Variants in TMED2 observed in about 807,000 individuals in gnomAD.
TMED2 encodes the protein transmembrane p24 trafficking protein 2.
In TMED2, 3 loss-of-function variants were observed where a neutral mutation model predicts 17.5. The observed-to-expected ratio is 0.17, with a 90% CI of 0.08 to 0.44. The LOEUF is 0.44. Ranked by LOEUF, TMED2 falls within the 20% of genes least tolerant of loss-of-function variation. TMED2 has a pLI of 0.99. For missense variants in TMED2, 149 were observed against 254.8 expected, an observed-to-expected ratio of 0.58 and a Z score of 2.83; for synonymous variants, 95 against 91.0, an observed-to-expected ratio of 1.04 and a Z score of -0.25.
At chr12:123,589,122 T>C (rs183342550) in intron 2 of TMED2, among the ~76,000 whole-genome samples, 4 of 152,330 alleles carry the variant, frequency 2.6e-5, no homozygotes, top group Non-Finnish European at 5.9e-5. Flanking sequence ...AAGCACATGC[T>C]TACTCTTCAG....
chr12:123,589,838 A>G (rs1426723665), intron 2 of TMED2, among the ~76,000 whole-genome samples: 1 of 152,020 alleles, frequency 6.6e-6, no homozygotes, highest in Non-Finnish European at 1.5e-5. Flanking sequence ...TCTCTAAAAA[A>G]TAAAAATAAA....
At chr12:123,588,022 T>C (rs914919007) in intron 2 of TMED2, among the ~76,000 whole-genome samples, 1 of 152,186 alleles carries the variant, frequency 6.6e-6, no homozygotes, top group Non-Finnish European at 1.5e-5. Flanking sequence ...CTTAGTTGGA[T>C]ATGAAATGCA....
rs1953351770 is a variant in TMED2, at chr12:123,586,894, A to G, written c.328A>G (p.Ile110Val). The G allele has an allele frequency of 3.7e-6, 6 of 1,613,268 alleles. No individual in the cohort carries two copies. In the East Asian group the frequency reaches 1.3e-4, roughly 36 times the overall value. ...TMTPKIVMFT[I>V]DIGEAPKGQD... ...GACTCCAAAAATAGTGATGTTCACCATTGATATTGGGGAGGCTCCAAAAGG... is the reference window on the plus strand; with the variant it reads ...GACTCCAAAAATAGTGATGTTCACCGTTGATATTGGGGAGGCTCCAAAAGG... Residue 110 changes from isoleucine to valine, a missense_variant, in exon 2 of 4, where the codon ATT (isoleucine) becomes GTT (valine). Transcript: ENST00000262225.
intron 3 of TMED2, among the ~76,000 whole-genome samples, chr12:123,593,298 G>C (rs958286080): frequency 6.6e-6 from 1 of 151,782 alleles, no homozygotes; most frequent in Non-Finnish European, 1.5e-5. Context: ...TGTTGCCCAG[G>C]CTGGAGTGCA....
Position 123,596,818 on chromosome 12 carries a change from T to C in TMED2, c.*89T>C. ...ATGTCATTAGTTTCTCCATTTTTATTTTCTGAACTGTACATTCACAACTTA... is the reference window on the plus strand; with the variant it reads ...ATGTCATTAGTTTCTCCATTTTTATCTTCTGAACTGTACATTCACAACTTA... On this transcript the variant is annotated 3_prime_UTR_variant, in exon 4 of 4. Transcript: ENST00000262225. 1 of 1,419,072 alleles carries C rather than the reference T, an allele frequency of 7.0e-7. No individual in the cohort carries two copies. The highest frequency in any genetic ancestry group is 9.3e-7 in the Non-Finnish European group (1 of 1,073,522). 87.9% of individuals were successfully genotyped at this position (1,419,072 alleles called of 1,614,324 possible).
intron 3 of TMED2, among the ~76,000 whole-genome samples, chr12:123,594,903 AAAT>A (rs1210428137): frequency 6.7e-6 from 1 of 148,774 alleles, no homozygotes; most frequent in Non-Finnish European, 1.5e-5. Flanking sequence ...ATAAAAAATA[AAAT>A]AATAATAATA....
chr12:123,585,848 A>G (rs974400634), intron 1 of TMED2: 2 of 152,248 alleles, frequency 1.3e-5, no homozygotes, highest in Admixed American at 1.3e-4. Context: ...CTAAGCCTTC[A>G]GGCATCTCAG....
intron 3 of TMED2, among the ~76,000 whole-genome samples, chr12:123,594,002 C>T (rs906744012): frequency 6.9e-6 from 1 of 145,866 alleles, no homozygotes; most frequent in Admixed American, 6.9e-5. Context: ...GACTGGGTTT[C>T]TCCATATTGC....
At position 123,584,619 on chromosome 12, in the gene TMED2, T is replaced by A; in HGVS notation, c.-18T>A. 1 of 1,574,626 alleles carries A rather than the reference T, an allele frequency of 6.4e-7. No homozygotes were observed. The highest frequency in any genetic ancestry group is 1.1e-5 in the South Asian group (1 of 90,350). ...TGGAGGCCGCAGTCCGGGTCCTGGC[T>A]TCGGCCTCAGCCCCACCATGGTGAC... On this transcript the variant is annotated 5_prime_UTR_variant, in exon 1 of 4. Coordinates refer to ENST00000262225, the MANE Select transcript of TMED2 (RefSeq NM_006815.4).
intron 2 of TMED2, among the ~76,000 whole-genome samples, chr12:123,588,227 G>T (rs1236205470): frequency 6.6e-6 from 1 of 151,692 alleles, no homozygotes; most frequent in Admixed American, 6.6e-5. Context: ...GCATGCCAGA[G>T]TTTTTGAAGC....
intron 2 of TMED2, among the ~76,000 whole-genome samples, chr12:123,589,364 C>T (rs79933835): frequency 0.15 from 22,104 of 152,180 alleles, 1,868 homozygotes; most frequent in African/African-American, 0.23. Context: ...GCTCCTGCTT[C>T]TTAATTAATA....
chr12:123,588,792 C>G (rs535138428), intron 2 of TMED2, among the ~76,000 whole-genome samples: 1 of 152,276 alleles, frequency 6.6e-6, no homozygotes, highest in African/African-American at 2.4e-5. Flanking sequence ...GATAGCGCCC[C>G]ACAGCATAGA....
intron 3 of TMED2, among the ~76,000 whole-genome samples, chr12:123,590,786 C>A (rs532071815): frequency 6.0e-4 from 91 of 151,988 alleles, no homozygotes; most frequent in Non-Finnish European, 1.2e-3. Flanking sequence ...GAGTTCGAGA[C>A]CAGCCTGGCC....
At chr12:123,595,283 A>G (rs887956319) in intron 3 of TMED2, among the ~76,000 whole-genome samples, 1 of 152,220 alleles carries the variant, frequency 6.6e-6, no homozygotes, top group Non-Finnish European at 1.5e-5. Context: ...TAACAAATAG[A>G]GTATAGTAAA....
intron 2 of TMED2, among the ~76,000 whole-genome samples, chr12:123,587,802 G>A (rs534042068): frequency 1.3e-5 from 2 of 151,962 alleles, no homozygotes; most frequent in South Asian, 2.1e-4. Context: ...TTTTTATTTC[G>A]TTGACAGGAG....
intron 3 of TMED2, among the ~76,000 whole-genome samples, chr12:123,591,707 C>T (rs7301377): frequency 0.15 from 22,139 of 151,606 alleles, 1,876 homozygotes; most frequent in African/African-American, 0.23. Flanking sequence ...ACTTGAACCC[C>T]GGAGGCGGAG....
intron 3 of TMED2, among the ~76,000 whole-genome samples, chr12:123,596,086 T>C (rs1258358179): frequency 6.6e-6 from 1 of 152,168 alleles, no homozygotes; most frequent in Non-Finnish European, 1.5e-5. Flanking sequence ...AGGTGACCCA[T>C]AGGTTACAAT....
At chr12:123,590,986 G>GA (rs79667168) in intron 3 of TMED2, among the ~76,000 whole-genome samples, 327 of 131,848 alleles carry the variant, frequency 2.5e-3, no homozygotes, top group Middle Eastern at 4.0e-3. Flanking sequence ...CTGTCTCAGG[G>GA]AAAAAAAAAA....
rs1045713477 is a variant in TMED2 at position 123,587,060 on chromosome 12, T to C, written c.373+121T>C. The stretch of plus-strand genomic sequence containing the variant: ...AAATTTCTTAACCAAAACCTTTTTG[T>C]GAAATACGCTTTTTATTTTTTGCAA... On this transcript the variant is annotated intron_variant, in intron 2 of 3. Transcript: ENST00000262225. 8.6e-6 allele frequency: 8 copies of C among 933,612 alleles called. No homozygotes were observed. The African/African-American group carries it at 1.2e-4, about 14-fold the overall frequency. 57.8% of individuals were successfully genotyped at this position (933,612 alleles called of 1,614,324 possible).
Sources: allele counts gnomAD v4.1 joint callset (sites outside exome capture counted in the v4.1 genomes callset), GRCh38; gene constraint gnomAD v4.1.1; transcripts MANE v1.5; gene names NCBI Gene and HGNC (gene_info 2026-07-23, HGNC 2026-07-21).